The following CPSF2 variants were observed in gnomAD, a reference collection of about 807,000 sequenced individuals.
CPSF2 encodes cleavage and polyadenylation specific factor 2.
CPSF2 carries 51 observed loss-of-function variants against 84.2 expected under a neutral mutation model. The observed-to-expected ratio is 0.61, with a 90% CI of 0.48 to 0.77. CPSF2 has a LOEUF of 0.77. Ranked by LOEUF, CPSF2 falls within the 30% of genes least tolerant of loss-of-function variation. The probability of loss-of-function intolerance (pLI) is 0.00; values close to 1 mark genes in which losing one functional copy is unlikely to be tolerated. For synonymous variants in CPSF2, 286 were observed against 311.9 expected (o/e 0.92, Z 0.87); for missense variants, 641 against 929.4 (o/e 0.69, Z 4.03).
intron 7 of CPSF2, among the ~76,000 whole-genome samples, chr14:92,141,380 G>A (rs567563668): frequency 1.3e-5 from 2 of 152,206 alleles, no homozygotes; most frequent in African/African-American, 4.8e-5. Flanking sequence ...TGTACATGCT[G>A]GAGTGTAGTG....
intron 2 of CPSF2, 32 bp downstream of exon 2, chr14:92,126,212 TTTA>T (rs2068844010): frequency 6.6e-6 from 1 of 152,262 alleles, no homozygotes; most frequent in Non-Finnish European, 1.5e-5. Flanking sequence ...AAGATATAGC[TTTA>T]TTATGAATAA....
At chr14:92,148,510 C>G (rs2069171108) in intron 9 of CPSF2, among the ~76,000 whole-genome samples, 1 of 152,116 alleles carries the variant, frequency 6.6e-6, no homozygotes, top group African/African-American at 2.4e-5. Context: ...TTTATAATTA[C>G]CCTTTCCTTT....
Position 92,157,834 on chromosome 14 carries a change from C to G in CPSF2, c.1771C>G (p.Pro591Ala), listed in dbSNP as rs2069311091. 6.2e-7 allele frequency: 1 copy of G among 1,614,098 alleles called. No individual in the cohort carries two copies. The change falls in exon 13 of 16, where the codon CCA becomes GCA. Residue 591 changes from proline (P) to alanine (A), a missense_variant. By Grantham distance (27) the Pro-to-Ala change is conservative. Coordinates refer to ENST00000298875, the MANE Select transcript of CPSF2 (RefSeq NM_017437.3). This position sits in a 1 kb window ranked among gnomAD's most constrained non-coding sequence, Gnocchi z 4.0. ...FGGKDIKVYM[P>A]KLHETVDATS... is the part of the protein sequence containing the mutation. ...TGGGAAAGATATTAAAGTGTACATGCCAAAGCTACATGAAACAGTTGATGC... is the reference window on the plus strand; with the variant it reads ...TGGGAAAGATATTAAAGTGTACATGGCAAAGCTACATGAAACAGTTGATGC...
At chr14:92,160,871 C>G (rs1457866202) in intron 14 of CPSF2, among the ~76,000 whole-genome samples, 1 of 152,080 alleles carries the variant, frequency 6.6e-6, no homozygotes, top group African/African-American at 2.4e-5. Flanking sequence ...TGAGGCATGA[C>G]TAACAAAACT....
chr14:92,141,021 A>G (rs1338474588), intron 7 of CPSF2, among the ~76,000 whole-genome samples: 1 of 152,190 alleles, frequency 6.6e-6, no homozygotes, highest in Non-Finnish European at 1.5e-5. Context: ...ATCTAGAGGA[A>G]GGAAATCCAT....
chr14:92,134,775 TATTGA>T (rs1265959524), intron 5 of CPSF2, among the ~76,000 whole-genome samples: 1 of 152,200 alleles, frequency 6.6e-6, no homozygotes, highest in Non-Finnish European at 1.5e-5. Context: ...AAAAGTTTAT[TATTGA>T]ATTAGGAAGT....
At chr14:92,152,072 TA>T (rs2069226957) in intron 9 of CPSF2, among the ~76,000 whole-genome samples, 2 of 152,020 alleles carry the variant, frequency 1.3e-5, no homozygotes, top group Non-Finnish European at 2.9e-5. Flanking sequence ...AAAATGTAAT[TA>T]TTTTTTGTAA....
At chr14:92,140,517 C>G (rs1311778713) in intron 7 of CPSF2, among the ~76,000 whole-genome samples, 1 of 150,460 alleles carries the variant, frequency 6.6e-6, no homozygotes, top group Non-Finnish European at 1.5e-5. Context: ...ATTGCAACCT[C>G]CACCTCCTGG....
At chr14:92,131,995 C>G (rs2068938180) in intron 3 of CPSF2, among the ~76,000 whole-genome samples, 1 of 152,104 alleles carries the variant, frequency 6.6e-6, no homozygotes, top group African/African-American at 2.4e-5. Flanking sequence ...ACATATGCTT[C>G]CCTGATTAAC....
At chr14:92,130,592 A>G (rs575206564) in intron 2 of CPSF2, among the ~76,000 whole-genome samples, 3 of 152,328 alleles carry the variant, frequency 2.0e-5, no homozygotes, top group Admixed American at 6.5e-5. Context: ...CTAATGTTTT[A>G]TAGACTGAGA....
chr14:92,134,900 A>G (rs1185923386), intron 5 of CPSF2, among the ~76,000 whole-genome samples: 1 of 152,214 alleles, frequency 6.6e-6, no homozygotes, highest in East Asian at 1.9e-4. Context: ...CTGAAGATTT[A>G]GCCCAGAAAT....
intron 7 of CPSF2, among the ~76,000 whole-genome samples, chr14:92,140,321 G>T (rs182544739): frequency 4.6e-5 from 7 of 152,090 alleles, no homozygotes; most frequent in Admixed American, 3.9e-4. Context: ...AGACACTGTG[G>T]TTCACGCCTG....
intron 1 of CPSF2, among the ~76,000 whole-genome samples, chr14:92,123,050 G>T (rs2068797633): frequency 6.6e-6 from 1 of 152,002 alleles, no homozygotes; most frequent in Non-Finnish European, 1.5e-5. Context: ...CACTCAGTGA[G>T]CTCCAGGGCT....
chr14:92,139,539 C>CT (rs751552254), intron 7 of CPSF2, among the ~76,000 whole-genome samples: 2,982 of 136,614 alleles, frequency 0.022, 78 homozygotes, highest in African/African-American at 0.05. Flanking sequence ...ATCTTACATT[C>CT]TTTTTTTTTT....
chr14:92,158,999 C>T lies in CPSF2; in HGVS notation c.1838C>T (p.Ser613Leu), dbSNP rs576542620. 3 of 1,612,248 alleles carry T rather than the reference C, an allele frequency of 1.9e-6. No individual in the cohort carries two copies. The highest frequency in any genetic ancestry group is 2.7e-5 in the African/African-American group (2 of 74,882). Residue 613 changes from serine to leucine, a missense_variant, in exon 14 of 16, where the codon TCA becomes TTA. Physicochemically the swap from Ser to Leu is moderately radical, Grantham distance 145. Transcript: ENST00000298875. ...THIYQVRLKD[S>L]LVSSLQFCKA... Reference sequence around the variant, plus strand: ...CATGTCTAGGTGAGGTTAAAAGACTCACTTGTCAGCTCTCTTCAGTTTTGT... The same window carrying T: ...CATGTCTAGGTGAGGTTAAAAGACTTACTTGTCAGCTCTCTTCAGTTTTGT...
At position 92,143,110 on chromosome 14, in the gene CPSF2, G is replaced by A. The variant is rs565277700; in HGVS notation, c.956G>A (p.Arg319His). The A allele has an allele frequency of 1.1e-5, 17 of 1,614,010 alleles. No homozygotes were observed. Among genetic ancestry groups the A allele is most frequent in the East Asian group, 6.7e-5 (3 of 44,872 alleles). Residue 319 changes from arginine to histidine, a missense_variant, in exon 9 of 16, where the codon CGT (arginine) becomes CAT (histidine). This residue lies in a region of CPSF2 where 211 missense variants were observed against 375.7 expected (regional missense o/e 0.56). Transcript: ENST00000298875. ...SLCHGLSDLA[R>H]VPSPKVVLAS... ...TGTCATGGTCTTTCTGACTTGGCCC[G>A]TGTACCTAGCCCTAAAGTTGTACTT...
rs777217459 is a variant in CPSF2 at position 92,159,166 on chromosome 14, G to A, written c.2005G>A (p.Asp669Asn). Residue 669 changes from aspartate to asparagine, a missense_variant, in exon 14 of 16, where the codon GAT becomes AAT. Coordinates refer to ENST00000298875, the MANE Select transcript of CPSF2 (RefSeq NM_017437.3). ...AGAGATGCAAGTGGAAGCTCCCTCA[G>A]ATTCTAGCGTTATAGCACAACAAAA... ...DSEMQVEAPSDSSVIAQQKAM... is the reference protein window; with the variant it reads ...DSEMQVEAPSNSSVIAQQKAM... The A allele has an allele frequency of 6.2e-7, 1 of 1,614,068 alleles. No homozygotes were observed. The highest frequency in any genetic ancestry group is 1.1e-5 in the South Asian group (1 of 91,078).
At chr14:92,156,285 C>G (rs2069288768) in intron 11 of CPSF2, among the ~76,000 whole-genome samples, 194 bp from the exon 12 acceptor site, 1 of 151,890 alleles carries the variant, frequency 6.6e-6, no homozygotes, top group African/African-American at 2.4e-5. Flanking sequence ...GAGACTCTAC[C>G]TCAAAAAAAA....
chr14:92,133,742 A>G (rs2068964719), intron 3 of CPSF2, among the ~76,000 whole-genome samples: 1 of 152,072 alleles, frequency 6.6e-6, no homozygotes, highest in South Asian at 2.1e-4. Flanking sequence ...CTGGGATTAC[A>G]GGTGTGTGCC....
Sources: allele counts gnomAD v4.1 joint callset (sites outside exome capture counted in the v4.1 genomes callset), GRCh38; gene constraint gnomAD v4.1.1; regional missense constraint gnomAD v4.1.1; non-coding constraint Gnocchi (gnomAD v3.1); transcripts MANE v1.5; gene names NCBI Gene and HGNC (gene_info 2026-07-23, HGNC 2026-07-21).